The following SH3TC1 variants were observed in gnomAD, a reference collection of about 807,000 sequenced individuals.
SH3TC1 encodes the protein SH3 domain and tetratricopeptide repeats 1.
Under a neutral mutation model 117.3 loss-of-function variants are expected in SH3TC1, and 135 were observed. The observed-to-expected ratio is 1.15, with a 90% CI of 1.00 to 1.33. The LOEUF (loss-of-function observed/expected upper bound fraction) is 1.33, where lower values mean the gene tolerates loss of function less well. Among genes scored for constraint, SH3TC1 ranks in the 40% most tolerant of loss-of-function variants. The probability of loss-of-function intolerance (pLI) is 0.00; values close to 1 mark genes in which losing one functional copy is unlikely to be tolerated. For missense variants in SH3TC1, 2,092 were observed against 1,794.3 expected (o/e 1.17, Z -3.00); for synonymous variants, 898 against 816.9 (o/e 1.10, Z -1.69).
chr4:8,202,960 G>A (rs1016535536), intron 1 of SH3TC1, among the ~76,000 whole-genome samples: 2 of 152,190 alleles, frequency 1.3e-5, no homozygotes, highest in Admixed American at 6.5e-5. Context: ...TATGAGGTGA[G>A]CTGGGGCCTG....
chr4:8,182,582 AG>A (rs1717108686), intron 1 of SH3TC1, among the ~76,000 whole-genome samples: 1 of 152,172 alleles, frequency 6.6e-6, no homozygotes, highest in African/African-American at 2.4e-5. Flanking sequence ...GGCTGTGGCC[AG>A]GGGTTCTGAT....
upstream of SH3TC1, among the ~76,000 whole-genome samples, chr4:8,198,580 TG>T (rs1717639128): frequency 6.6e-6 from 1 of 152,216 alleles, no homozygotes; most frequent in African/African-American, 2.4e-5. Flanking sequence ...CGAGATTACG[TG>T]CTTTGGCCTT....
At chr4:8,187,141 C>A (rs1400186154) in intron 1 of SH3TC1, among the ~76,000 whole-genome samples, 1 of 152,196 alleles carries the variant, frequency 6.6e-6, no homozygotes, top group East Asian at 1.9e-4. Flanking sequence ...CTCTGCCACC[C>A]AACGCCACTC....
intron 13 of SH3TC1, chr4:8,232,401 C>G: frequency 6.3e-7 from 1 of 1,576,628 alleles, no homozygotes; most frequent in South Asian, 1.1e-5. Context: ...TGCACACCTC[C>G]CCAAAGGTCA....
In SH3TC1 at chr4:8,219,479, G is replaced by T. The variant is rs145790039; in HGVS notation, c.1061G>T (p.Arg354Leu). The change falls in exon 9 of 18, where the codon CGG becomes CTG. Residue 354 changes from arginine (R) to leucine (L), a missense_variant. Transcript: ENST00000245105. Reference protein sequence around the residue: ...WCVGRHAASGRVGFVRSSLIS... With the variant: ...WCVGRHAASGLVGFVRSSLIS... ...GTGGGCCGACACGCAGCCTCGGGCC[G>T]GGTGGGGTTTGTGCGGAGCAGCCTC... The T allele has an allele frequency of 3.4e-4, 538 of 1,605,062 alleles. 4 individuals are homozygous for T. The African/African-American group carries it at 6.3e-3, about 19-fold the overall frequency.
chr4:8,227,726 C>T lies in SH3TC1; in HGVS notation c.2032C>T (p.Leu678Phe), dbSNP rs1720646586. Residue 678 changes from leucine (L) to phenylalanine (F), a missense_variant, in exon 12 of 18, where the codon CTC (leucine) becomes TTC (phenylalanine). Leu to Phe is a conservative substitution (Grantham distance 22). Transcript: ENST00000245105. The stretch of plus-strand genomic sequence containing the variant: ...CCTGCTGGCCAGGCACCACGTGCAC[C>T]TCAAGCAGCCCGAGGAGGCCCTGCC... ...CFLLARHHVH[L>F]KQPEEALPFL... is the part of the protein sequence containing the mutation. 6.3e-7 allele frequency: 1 copy of T among 1,592,690 alleles called. No individual in the cohort carries two copies. The highest frequency in any genetic ancestry group is 8.6e-7 in the Non-Finnish European group (1 of 1,167,846).
Position 8,192,447 on chromosome 4 carries a change from CTTTATTTTATTTTAT to C in SH3TC1, c.-57+10275_-57+10289del, listed in dbSNP as rs376174704. Among the ~76,000 whole-genome samples, 873 of 138,458 alleles carry C rather than the reference CTTTATTTTATTTTAT, an allele frequency of 6.3e-3. 5 individuals carry two copies. Among genetic ancestry groups the C allele is most frequent in the African/African-American group, 0.018 (650 of 37,090 alleles). 90.8% of individuals were successfully genotyped at this position (138,458 alleles called of 152,430 possible). A position where few individuals can be genotyped will look rare whatever the true frequency, so the allele number is the denominator to read the frequency against. ...ACAATCTTCTTATCCAACCACTTGTCTTTATTTTATTTTATTTTATTTTATTTTATTTTATTTTAT... is the reference window on the plus strand; with the variant it reads ...ACAATCTTCTTATCCAACCACTTGTCTTTATTTTATTTTATTTTATTTTAT... On this transcript the variant is annotated intron_variant, in intron 1 of 16. Coordinates refer to the SH3TC1 transcript ENST00000508641. This position sits in a 1 kb window ranked among gnomAD's most constrained non-coding sequence, Gnocchi z 4.1.
chr4:8,219,021 AG>A (rs1719625130), intron 8 of SH3TC1, among the ~76,000 whole-genome samples: 5 of 151,472 alleles, frequency 3.3e-5, no homozygotes, highest in Admixed American at 2.6e-4. Flanking sequence ...GGTGGGGAGT[AG>A]GTGGGGCCGG....
intron 2 of SH3TC1, among the ~76,000 whole-genome samples, chr4:8,208,842 G>A (rs553444694): frequency 6.6e-5 from 10 of 152,350 alleles, no homozygotes; most frequent in African/African-American, 2.2e-4. Flanking sequence ...GTGGCTGTGC[G>A]GCGCCCAGGG....
At chr4:8,189,815 C>T (rs577194482) in intron 1 of SH3TC1, among the ~76,000 whole-genome samples, 11 of 152,254 alleles carry the variant, frequency 7.2e-5, no homozygotes, top group African/African-American at 1.9e-4. Context: ...CTGAAGACCC[C>T]GCCGGCGTGA....
In SH3TC1 at chr4:8,227,785, C is replaced by G; in HGVS notation, c.2091C>G (p.Asp697Glu). 6.2e-7 allele frequency: 1 copy of G among 1,612,696 alleles called. No individual in the cohort carries two copies. Residue 697 changes from aspartate to glutamate, a missense_variant, in exon 12 of 18, where the codon GAC becomes GAG. Transcript: ENST00000245105. ...FLERLLLLHRDSGAPEAAWLS... is the reference protein window; with the variant it reads ...FLERLLLLHRESGAPEAAWLS... ...AGCGGCTGCTGCTTTTGCACAGGGA[C>G]TCGGGAGCCCCAGAGGCCGCGTGGC...
intron 13 of SH3TC1, chr4:8,232,521 T>C: frequency 7.2e-7 from 1 of 1,382,774 alleles, no homozygotes; most frequent in Non-Finnish European, 9.6e-7. Flanking sequence ...GGCCTTCACC[T>C]GTCCCCTTAA....
intron 9 of SH3TC1, among the ~76,000 whole-genome samples, chr4:8,219,875 C>T (rs1047562472): frequency 3.9e-5 from 6 of 152,182 alleles, no homozygotes; most frequent in Admixed American, 3.3e-4. Flanking sequence ...AAGTCTAAAA[C>T]CAAGGCCAGA....
chr4:8,218,422 G>T (rs777818853), intron 8 of SH3TC1, 75 bp downstream of exon 8: 2 of 1,092,198 alleles, frequency 1.8e-6, no homozygotes, highest in Non-Finnish European at 2.7e-6. Flanking sequence ...TTTGGAAGTT[G>T]CCCTACATCC....
Position 8,236,321 on chromosome 4 carries a change from C to A in SH3TC1, c.3449C>A (p.Ala1150Glu), listed in dbSNP as rs112207455. 6.4e-7 allele frequency: 1 copy of A among 1,554,360 alleles called. No individual in the cohort carries two copies. ...GCAGTGACTACGGGCAACCGCAAGG[C>A]GGAGCTGCGGCTGTGCAACAAGCTG... ...PLAVTTGNRK[A>E]ELRLCNKLVA... The change falls in exon 16 of 18, where the codon GCG (alanine) becomes GAG (glutamate). Residue 1150 changes from alanine (A) to glutamate (E), a missense_variant. By Grantham distance (107) the Ala-to-Glu change is moderately radical. Transcript: ENST00000245105.
intron 13 of SH3TC1, 64 bp downstream of exon 13, chr4:8,232,220 G>A: frequency 1.4e-6 from 1 of 699,624 alleles, no homozygotes; most frequent in Non-Finnish European, 2.1e-6. Context: ...CGGGGCGGGG[G>A]CACAGGGAAG....
chr4:8,218,926 G>A (rs1453074983), intron 8 of SH3TC1, among the ~76,000 whole-genome samples: 2 of 151,970 alleles, frequency 1.3e-5, no homozygotes, highest in Non-Finnish European at 2.9e-5. Context: ...GCCGGTGTCT[G>A]GGTGGCCTGT....
rs111487202 is a variant in SH3TC1, at chr4:8,235,187, G to T, written c.3283-246G>T. ...GGGGGAGTGGGCTAGGGCTAGCCCT[G>T]GTGGCAGGATTCACAGATGTCGGGC... On this transcript the variant is annotated intron_variant, in intron 14 of 17. Transcript: ENST00000245105. Among the ~76,000 whole-genome samples, 276 of 152,366 alleles carry T rather than the reference G, an allele frequency of 1.8e-3. 1 individual carries two copies. The highest frequency in any genetic ancestry group is 6.8e-3 in the Middle Eastern group (2 of 294).
rs2152973384 is a variant in SH3TC1, at chr4:8,183,302, A to C, written c.-57+1092A>C. On this transcript the variant is annotated intron_variant, in intron 1 of 16. Coordinates refer to the SH3TC1 transcript ENST00000508641. The surrounding 1 kb of genome is among the most constrained non-coding windows in gnomAD (Gnocchi z 5.4). ...GGCAGGACTGGCTGAGGACCACGGC[A>C]GGTCACGCCTGGGGCTAGGATGCCC... Among the ~76,000 whole-genome samples, 1 of 152,218 alleles carries C rather than the reference A, an allele frequency of 6.6e-6. No homozygotes were observed. The highest frequency in any genetic ancestry group is 1.9e-4 in the East Asian group (1 of 5,192).
Sources: allele counts gnomAD v4.1 joint callset (sites outside exome capture counted in the v4.1 genomes callset), GRCh38; gene constraint gnomAD v4.1.1; non-coding constraint Gnocchi (gnomAD v3.1); transcripts MANE v1.5; gene names NCBI Gene and HGNC (gene_info 2026-07-23, HGNC 2026-07-21).